The following PCSK2 variants were observed in gnomAD, a reference collection of about 807,000 sequenced individuals.
PCSK2 encodes the protein proprotein convertase subtilisin/kexin type 2.
Under a neutral mutation model 69.7 loss-of-function variants are expected in PCSK2, and 14 were observed. That is an observed-to-expected ratio of 0.20 (90% confidence interval 0.13 to 0.31). The LOEUF is 0.31. Ranked by LOEUF, PCSK2 falls within the 10% of genes least tolerant of loss-of-function variation. PCSK2 has a pLI of 1.00. For synonymous variants in PCSK2, 307 were observed against 320.7 expected (o/e 0.96, Z 0.46); for missense variants, 544 against 842.5 (o/e 0.65, Z 4.39).
At chr20:17,321,334 CAT>C in intron 2 of PCSK2, among the ~76,000 whole-genome samples, 2 of 152,208 alleles carry the variant, frequency 1.3e-5, no homozygotes, top group Non-Finnish European at 2.9e-5. Flanking sequence ...GTAAGCAGCC[CAT>C]CCATGAAAGG....
intron 1 of PCSK2, among the ~76,000 whole-genome samples, chr20:17,238,724 T>C (rs1248838276): frequency 6.6e-6 from 1 of 152,190 alleles, no homozygotes; most frequent in Non-Finnish European, 1.5e-5. Flanking sequence ...TGTGCTTTTT[T>C]GGTTTGTTTT....
At chr20:17,301,052 C>T (rs1297453315) in intron 2 of PCSK2, among the ~76,000 whole-genome samples, 3 of 152,188 alleles carry the variant, frequency 2.0e-5, no homozygotes, top group Admixed American at 6.5e-5. Flanking sequence ...AAGGGGCCTG[C>T]ACTTCAAGAG....
chr20:17,301,047 G>T (rs1989062907), intron 2 of PCSK2, among the ~76,000 whole-genome samples: 2 of 152,200 alleles, frequency 1.3e-5, no homozygotes, highest in African/African-American at 4.8e-5. Context: ...TTGGGAAGGG[G>T]CCTGCACTTC....
chr20:17,387,526 C>T (rs533866545), intron 5 of PCSK2, among the ~76,000 whole-genome samples: 1 of 152,122 alleles, frequency 6.6e-6, no homozygotes, highest in Non-Finnish European at 1.5e-5. Flanking sequence ...CCTCCTTGCA[C>T]GTAGCTCTCC....
chr20:17,247,572 C>A (rs577111325), intron 1 of PCSK2, among the ~76,000 whole-genome samples: 36 of 152,290 alleles, frequency 2.4e-4, no homozygotes, highest in South Asian at 1.2e-3. Context: ...AAGAAAGCAG[C>A]CAAAGGAAAA....
intron 2 of PCSK2, among the ~76,000 whole-genome samples, chr20:17,302,196 C>G (rs1403743594): frequency 6.6e-6 from 1 of 152,202 alleles, no homozygotes; most frequent in Non-Finnish European, 1.5e-5. Flanking sequence ...CAAGTCAAAA[C>G]AGGTGATACT....
chr20:17,257,758 A>C (rs538567991), intron 1 of PCSK2, among the ~76,000 whole-genome samples: 1 of 152,336 alleles, frequency 6.6e-6, no homozygotes, highest in East Asian at 1.9e-4. Context: ...AAGTCAACTA[A>C]AGGTGAGCAC....
chr20:17,265,468 GA>G (rs920065016), intron 2 of PCSK2, among the ~76,000 whole-genome samples: 4 of 151,700 alleles, frequency 2.6e-5, no homozygotes, highest in Admixed American at 6.6e-5. Context: ...TTTATTGAAG[GA>G]AAAAAATAAA....
chr20:17,361,401 A>G (rs905936296), intron 4 of PCSK2, among the ~76,000 whole-genome samples: 7 of 152,176 alleles, frequency 4.6e-5, no homozygotes, highest in African/African-American at 1.4e-4. Flanking sequence ...ATGAATTGGC[A>G]TTTTTCCAAC....
chr20:17,349,942 A>G (rs563025370), intron 2 of PCSK2, among the ~76,000 whole-genome samples: 1 of 152,102 alleles, frequency 6.6e-6, no homozygotes, highest in Non-Finnish European at 1.5e-5. Flanking sequence ...TGCACTGTGC[A>G]GTCAAGGCTG....
chr20:17,417,968 T>C (rs776596568), intron 6 of PCSK2, among the ~76,000 whole-genome samples: 1 of 152,188 alleles, frequency 6.6e-6, no homozygotes, highest in African/African-American at 2.4e-5. Flanking sequence ...AAAGAGGTAA[T>C]AACAAAACTA....
chr20:17,231,389 CAT>C (rs138172270), intron 1 of PCSK2, among the ~76,000 whole-genome samples: 121 of 152,340 alleles, frequency 7.9e-4, no homozygotes, highest in African/African-American at 2.8e-3. Context: ...ACTGAGCACA[CAT>C]GTGTAACCAG....
chr20:17,386,353 C>T (rs1281722798), intron 5 of PCSK2, among the ~76,000 whole-genome samples: 1 of 152,152 alleles, frequency 6.6e-6, no homozygotes, highest in Non-Finnish European at 1.5e-5. Context: ...ATCAATCAAT[C>T]AATCGATGAA....
chr20:17,342,101 G>T lies in PCSK2; in HGVS notation c.283-16226G>T, dbSNP rs541128573. Among the ~76,000 whole-genome samples the T allele has an allele frequency of 5.3e-5, 8 of 152,262 alleles. 1 individual carries two copies. The highest frequency in any genetic ancestry group is 5.2e-4 in the Admixed American group (8 of 15,308). On this transcript the variant is annotated intron_variant, in intron 2 of 11. Transcript: ENST00000262545. ...AATTGGAGTAGACAGTTTAAGGAGT[G>T]GACTACATACTGTAAATGTTCTTGA...
chr20:17,306,700 T>G (rs1334152488), intron 2 of PCSK2, among the ~76,000 whole-genome samples: 1 of 152,180 alleles, frequency 6.6e-6, no homozygotes, highest in African/African-American at 2.4e-5. Flanking sequence ...CTGGGTTCAC[T>G]AACAGAAGCA....
At chr20:17,359,966 A>T (rs2030334314) in intron 3 of PCSK2, among the ~76,000 whole-genome samples, 1 of 152,212 alleles carries the variant, frequency 6.6e-6, no homozygotes, top group Non-Finnish European at 1.5e-5. Flanking sequence ...CTGCATTAGA[A>T]CATGCACTAA....
At chr20:17,441,066 G>A (rs887561272) in intron 8 of PCSK2, among the ~76,000 whole-genome samples, 2 of 152,142 alleles carry the variant, frequency 1.3e-5, no homozygotes, top group African/African-American at 2.4e-5. Flanking sequence ...CCCCGGTTTC[G>A]TGGCTCCGGC....
chr20:17,308,509 T>C (rs909704591), intron 2 of PCSK2, among the ~76,000 whole-genome samples: 7 of 152,096 alleles, frequency 4.6e-5, no homozygotes, highest in Non-Finnish European at 1.0e-4. Context: ...CAGAACAAAT[T>C]CTCTGTGTTT....
intron 1 of PCSK2, among the ~76,000 whole-genome samples, chr20:17,243,346 A>G (rs372532213): frequency 6.6e-6 from 1 of 151,916 alleles, no homozygotes; most frequent in East Asian, 1.9e-4. Flanking sequence ...GACTACAGGC[A>G]CACACCACCT....
Sources: allele counts gnomAD v4.1 joint callset (sites outside exome capture counted in the v4.1 genomes callset), GRCh38; gene constraint gnomAD v4.1.1; transcripts MANE v1.5; gene names NCBI Gene and HGNC (gene_info 2026-07-23, HGNC 2026-07-21).